The following PCDHGA12 variants were observed in gnomAD, a reference collection of about 807,000 sequenced individuals.
The protein encoded by PCDHGA12 is protocadherin gamma-A12.
In PCDHGA12, 43 loss-of-function variants were observed where a neutral mutation model predicts 61.1. The observed-to-expected ratio is 0.70, with a 90% CI of 0.55 to 0.91. The LOEUF (loss-of-function observed/expected upper bound fraction) is 0.91, where lower values mean the gene tolerates loss of function less well. Ranked by LOEUF, PCDHGA12 falls within the 40% of genes least tolerant of loss-of-function variation. The probability of loss-of-function intolerance (pLI) is 0.00; values close to 1 mark genes in which losing one functional copy is unlikely to be tolerated. For missense variants in PCDHGA12, 1,236 were observed against 1,227.7 expected (o/e 1.01, Z -0.10); for synonymous variants, 520 against 542.9 (o/e 0.96, Z 0.59).
intron 2 of PCDHGA12, among the ~76,000 whole-genome samples, chr5:141,504,786 C>A (rs568185327): frequency 6.6e-6 from 1 of 152,014 alleles, no homozygotes; most frequent in South Asian, 2.1e-4. Context: ...TCTCTTGGGG[C>A]CTCCTACATC....
At chr5:141,456,214 G>C (rs552287407) in intron 1 of PCDHGA12, among the ~76,000 whole-genome samples, 8 of 152,136 alleles carry the variant, frequency 5.3e-5, no homozygotes, top group Non-Finnish European at 7.4e-5. Context: ...CCTCCCTGTG[G>C]CGATATCAAA....
rs755130135 is a variant in PCDHGA12 at position 141,431,477 on chromosome 5, C to A, written c.718C>A (p.Pro240Thr). The change falls in exon 1 of 4, where the codon CCA (proline) becomes ACA (threonine). Residue 240 changes from proline (P) to threonine (T), a missense_variant. By Grantham distance (38) the Pro-to-Thr change is conservative. Coordinates refer to ENST00000252085, the MANE Select transcript of PCDHGA12 (RefSeq NM_003735.3). The surrounding 1 kb of genome is among the most constrained non-coding windows in gnomAD (Gnocchi z 4.8). ...VMVLDANDNA[P>T]AFAQPEYRAS... is the part of the protein sequence containing the mutation. ...GGTTCTGGATGCGAACGACAACGCA[C>A]CAGCGTTTGCTCAGCCCGAGTACCG... is the stretch of plus-strand genomic sequence containing the variant. 40 of 1,613,768 alleles carry A rather than the reference C, an allele frequency of 2.5e-5. No individual in the cohort carries two copies. The highest frequency in any genetic ancestry group is 3.3e-5 in the Admixed American group (2 of 60,008).
chr5:141,472,980 C>CAAAAAAAAAAA (rs60579131), intron 1 of PCDHGA12, among the ~76,000 whole-genome samples: 11 of 86,030 alleles, frequency 1.3e-4, no homozygotes, highest in Non-Finnish European at 1.3e-4. Flanking sequence ...GAGTGAAACT[C>CAAAAAAAAAAA]AAAAAAAAAA....
rs188338684 is a variant in PCDHGA12, at chr5:141,431,953, C to T, written c.1194C>T (p.Tyr398=). ...TGCCCTTTAAATTAGAAAAATCTTA[C>T]GGAAATTACTATAGTTTAGTCACAG... The part of the protein sequence containing the change: ...GNLPFKLEKS[Y]GNYYSLVTDI... The change falls in exon 1 of 4, where the codon TAC becomes TAT. Residue 398 remains tyrosine, a synonymous_variant. Transcript: ENST00000252085. The surrounding 1 kb of genome is among the most constrained non-coding windows in gnomAD (Gnocchi z 4.8). 2.4e-5 allele frequency: 38 copies of T among 1,614,082 alleles called. No homozygotes were observed. In the East Asian group the frequency reaches 7.6e-4, roughly 32 times the overall value.
rs771744120 is a variant in PCDHGA12 at position 141,485,876 on chromosome 5, G to A, written c.2425-8931G>A. ...AGAGCTCCGGGTATCCGTGCTGGAC[G>A]TAAACGACAACGCCCCAGCCTTCCA... On this transcript the variant is annotated intron_variant, in intron 1 of 3. Transcript: ENST00000252085. This position sits in a 1 kb window ranked among gnomAD's most constrained non-coding sequence, Gnocchi z 5.7. 1 of 1,614,174 alleles carries A rather than the reference G, an allele frequency of 6.2e-7. No homozygotes were observed. Among genetic ancestry groups the A allele is most frequent in the Non-Finnish European group, 8.5e-7 (1 of 1,180,030 alleles).
Position 141,486,388 on chromosome 5 carries a change from C to T in PCDHGA12, c.2425-8419C>T, listed in dbSNP as rs2099628930. ...TCAAGTCTGCCTTCAGGAACCAGTT[C>T]TCCCTGGTGACTGCTGGACCCTTGG... On this transcript the variant is annotated intron_variant, in intron 1 of 3. Coordinates refer to ENST00000252085, the MANE Select transcript of PCDHGA12 (RefSeq NM_003735.3). This position sits in a 1 kb window ranked among gnomAD's most constrained non-coding sequence, Gnocchi z 5.0. 2 of 1,613,988 alleles carry T rather than the reference C, an allele frequency of 1.2e-6. No individual in the cohort carries two copies. The highest frequency in any genetic ancestry group is 2.7e-5 in the African/African-American group (2 of 74,924).
intron 2 of PCDHGA12, among the ~76,000 whole-genome samples, chr5:141,497,920 C>T (rs548251626): frequency 6.6e-6 from 1 of 152,336 alleles, no homozygotes; most frequent in East Asian, 1.9e-4. Flanking sequence ...CTCCTTCATT[C>T]ATTCAACAAA....
chr5:141,500,207 T>G (rs932015076), intron 2 of PCDHGA12, among the ~76,000 whole-genome samples: 2 of 150,136 alleles, frequency 1.3e-5, no homozygotes, highest in African/African-American at 4.9e-5. Context: ...TTTATTTATT[T>G]ATTTATTTAT....
rs761127608 is a variant in PCDHGA12 at position 141,433,020 on chromosome 5, C to G, written c.2261C>G (p.Ser754Cys). The G allele has an allele frequency of 3.1e-6, 5 of 1,614,152 alleles. No homozygotes were observed. The highest frequency in any genetic ancestry group is 2.2e-5 in the East Asian group (1 of 44,846). ...GTGCAGGCTTTCCTGCAGACCTATTCCCACGAGGTTTCCCTCACCACGGAC... is the reference window on the plus strand; with the variant it reads ...GTGCAGGCTTTCCTGCAGACCTATTGCCACGAGGTTTCCCTCACCACGGAC... ...DGVQAFLQTY[S>C]HEVSLTTDSR... Residue 754 changes from serine to cysteine, a missense_variant, in exon 1 of 4, where the codon TCC (serine) becomes TGC (cysteine). Physicochemically the swap from Ser to Cys is moderately radical, Grantham distance 112. Transcript: ENST00000252085.
Position 141,476,559 on chromosome 5 carries a change from T to C in PCDHGA12, c.2425-18248T>C. The stretch of plus-strand genomic sequence containing the variant: ...ATGAAATTGGAGATTAGCGAGGCCG[T>C]GGCTCCGGGGACGCGCTTTCCGCTC... On this transcript the variant is annotated intron_variant, in intron 1 of 3. Coordinates refer to ENST00000252085, the MANE Select transcript of PCDHGA12 (RefSeq NM_003735.3). This position sits in a 1 kb window ranked among gnomAD's most constrained non-coding sequence, Gnocchi z 7.6. 4 of 1,614,228 alleles carry C rather than the reference T, an allele frequency of 2.5e-6. No homozygotes were observed. Among genetic ancestry groups the C allele is most frequent in the Non-Finnish European group, 3.4e-6 (4 of 1,180,036 alleles).
chr5:141,506,435 G>A (rs1470687416), intron 3 of PCDHGA12, among the ~76,000 whole-genome samples: 7 of 126,234 alleles, frequency 5.5e-5, no homozygotes, highest in African/African-American at 2.0e-4. Context: ...CAACAGTCTC[G>A]CTCTGTCTCA....
In PCDHGA12 at chr5:141,431,213, TTCCC is replaced by T. The variant is rs1373533151; in HGVS notation, c.457_460del (p.Pro153TyrfsTer43). 1 of 1,614,142 alleles carries T rather than the reference TTCCC, an allele frequency of 6.2e-7. No homozygotes were observed. Among genetic ancestry groups the T allele is most frequent in the Admixed American group, 1.7e-5 (1 of 60,020 alleles). On this transcript the variant is annotated frameshift_variant, in exon 1 of 4. Transcript: ENST00000252085. LOFTEE classifies it high-confidence loss of function. This position sits in a 1 kb window ranked among gnomAD's most constrained non-coding sequence, Gnocchi z 4.8. ...TGAAAATGCAGCCACTGAGATGCGGTTCCCTCTACCCCACGCCTGGGATCCGGAT... is the reference window on the plus strand; with the variant it reads ...TGAAAATGCAGCCACTGAGATGCGGTTCTACCCCACGCCTGGGATCCGGAT...
At chr5:141,507,858 AC>A (rs2099864314) in intron 3 of PCDHGA12, among the ~76,000 whole-genome samples, 1 of 151,748 alleles carries the variant, frequency 6.6e-6, no homozygotes, top group African/African-American at 2.4e-5. Flanking sequence ...TCACTTTCAC[AC>A]CCGCTTCCTA....
At chr5:141,443,209 C>T (rs1183847804) in intron 1 of PCDHGA12, among the ~76,000 whole-genome samples, 2 of 152,030 alleles carry the variant, frequency 1.3e-5, no homozygotes, top group African/African-American at 2.4e-5. Flanking sequence ...GAGCTTGTCT[C>T]GCCAGGCGCA....
At chr5:141,450,676 G>A (rs1174388119) in intron 1 of PCDHGA12, among the ~76,000 whole-genome samples, 5 of 151,796 alleles carry the variant, frequency 3.3e-5, no homozygotes, top group African/African-American at 7.3e-5. Flanking sequence ...TAGTAGAAAC[G>A]GGGTTTTGCC....
chr5:141,441,838 C>T, intron 1 of PCDHGA12: 4 of 355,582 alleles, frequency 1.1e-5, no homozygotes, highest in South Asian at 9.6e-5. Flanking sequence ...TGGCTTCGCG[C>T]TCTTGGATAT....
intron 1 of PCDHGA12, among the ~76,000 whole-genome samples, chr5:141,437,145 T>C (rs191316470): frequency 3.9e-5 from 6 of 152,364 alleles, no homozygotes; most frequent in Admixed American, 3.9e-4. Flanking sequence ...GGATTCATAA[T>C]TAACATATGT....
At chr5:141,507,563 G>A (rs2099861587) in intron 3 of PCDHGA12, among the ~76,000 whole-genome samples, 1 of 152,222 alleles carries the variant, frequency 6.6e-6, no homozygotes, top group Non-Finnish European at 1.5e-5. Flanking sequence ...CAGGCGGCTG[G>A]GTCTGAGGAG....
rs769671283 is a variant in PCDHGA12, at chr5:141,511,391, C to T, written c.*218C>T. On this transcript the variant is annotated 3_prime_UTR_variant, in exon 4 of 4. Transcript: ENST00000252085. Reference sequence around the variant, plus strand: ...TGCAAAAGCAGTTCCGCTGGGAACCCCCATCCAATCAACTGCTGTACCCAT... The same window carrying T: ...TGCAAAAGCAGTTCCGCTGGGAACCTCCATCCAATCAACTGCTGTACCCAT... The T allele has an allele frequency of 6.4e-5, 69 of 1,079,630 alleles. No individual in the cohort carries two copies. The highest frequency in any genetic ancestry group is 1.5e-4 in the Admixed American group (5 of 34,354). 66.9% of individuals were successfully genotyped at this position (1,079,630 alleles called of 1,614,324 possible). A position where few individuals can be genotyped will look rare whatever the true frequency, so the allele number is the denominator to read the frequency against.
Sources: allele counts gnomAD v4.1 joint callset (sites outside exome capture counted in the v4.1 genomes callset), GRCh38; gene constraint gnomAD v4.1.1; non-coding constraint Gnocchi (gnomAD v3.1); transcripts MANE v1.5; gene names NCBI Gene and HGNC (gene_info 2026-07-23, HGNC 2026-07-21).